The following STARD3NL variants were observed in gnomAD, a reference collection of about 807,000 sequenced individuals.
The protein encoded by STARD3NL is STARD3 N-terminal like.
In STARD3NL, 17 loss-of-function variants were observed where a neutral mutation model predicts 30.9. The ratio of observed to expected loss-of-function variants is 0.55; its 90% CI spans 0.38 to 0.82. The LOEUF is 0.82. STARD3NL is among the 40% of genes least tolerant of loss of function. The pLI, the probability that STARD3NL is intolerant of heterozygous loss-of-function variation, is 0.00. For missense variants in STARD3NL, 234 were observed against 277.6 expected (o/e 0.84, Z 1.12); for synonymous variants, 112 against 100.5 (o/e 1.11, Z -0.69).
intron 1 of STARD3NL, among the ~76,000 whole-genome samples, chr7:38,197,504 C>G (rs985114190): frequency 2.6e-5 from 4 of 152,138 alleles, no homozygotes; most frequent in Non-Finnish European, 4.4e-5. Flanking sequence ...TGCCCAGCCA[C>G]TTGTTTCTTT....
intron 1 of STARD3NL, among the ~76,000 whole-genome samples, chr7:38,205,207 C>T (rs1785393685): frequency 6.6e-6 from 1 of 152,186 alleles, no homozygotes; most frequent in African/African-American, 2.4e-5. Flanking sequence ...AGACCAATAT[C>T]CCTGGTGAAC....
intron 1 of STARD3NL, among the ~76,000 whole-genome samples, chr7:38,183,930 T>G (rs1384509336): frequency 6.6e-6 from 1 of 152,236 alleles, no homozygotes; most frequent in African/African-American, 2.4e-5. Flanking sequence ...TAACTTTAGT[T>G]AGCAAGTACT....
In STARD3NL at chr7:38,230,600, A is replaced by G. The variant is rs1158228657; in HGVS notation, c.*695A>G. The G allele has an allele frequency of 6.6e-6, 1 of 152,242 alleles. No individual in the cohort carries two copies. The highest frequency in any genetic ancestry group is 1.5e-5 in the Non-Finnish European group (1 of 68,040). 9.4% of individuals were successfully genotyped at this position (152,242 alleles called of 1,614,324 possible). ...TAAATACTCTTATTTTGAATGCACA[A>G]AATGACTTAAACCATTCATATCATG... On this transcript the variant is annotated 3_prime_UTR_variant, in exon 9 of 9. Coordinates refer to ENST00000009041, the MANE Select transcript of STARD3NL (RefSeq NM_032016.4).
At chr7:38,212,494 C>G (rs1583814653) in intron 2 of STARD3NL, among the ~76,000 whole-genome samples, 1 of 152,314 alleles carries the variant, frequency 6.6e-6, no homozygotes, top group Non-Finnish European at 1.5e-5. Flanking sequence ...TGCTATCTCT[C>G]TCACCTTGCC....
At chr7:38,221,835 T>A (rs1443900141) in intron 7 of STARD3NL, among the ~76,000 whole-genome samples, 1 of 152,202 alleles carries the variant, frequency 6.6e-6, no homozygotes, top group Non-Finnish European at 1.5e-5. Flanking sequence ...CTTCTGAAAA[T>A]GTTGTGCTCT....
At chr7:38,178,864 C>CA (rs796132304) in intron 1 of STARD3NL, among the ~76,000 whole-genome samples, 101,057 of 142,142 alleles carry the variant, frequency 0.71, 35,591 homozygotes, top group East Asian at 0.81. Flanking sequence ...AAGTCGTGTT[C>CA]AAAAAAAAAA....
At chr7:38,187,291 T>A (rs1199462254) in intron 1 of STARD3NL, among the ~76,000 whole-genome samples, 2 of 152,250 alleles carry the variant, frequency 1.3e-5, no homozygotes, top group African/African-American at 4.8e-5. Flanking sequence ...ACAACTTATA[T>A]ACATTGTCAA....
chr7:38,223,580 G>C (rs556461049), intron 7 of STARD3NL, among the ~76,000 whole-genome samples: 1 of 152,180 alleles, frequency 6.6e-6, no homozygotes, highest in Non-Finnish European at 1.5e-5. Flanking sequence ...CATGCATCCT[G>C]GTTTGCCTGC....
At chr7:38,206,169 C>T (rs890256129) in intron 1 of STARD3NL, among the ~76,000 whole-genome samples, 6 of 152,158 alleles carry the variant, frequency 3.9e-5, no homozygotes, top group African/African-American at 1.4e-4. Flanking sequence ...AGGGAAATCT[C>T]AGCTGTCTGT....
chr7:38,178,354 G>C lies in STARD3NL; in HGVS notation c.-125G>C, dbSNP rs1000966560. On this transcript the variant is annotated 5_prime_UTR_variant, in exon 1 of 9. Transcript: ENST00000009041. Reference sequence around the variant, plus strand: ...CCGCCAAGCCCCGCCCCTCAGGCCGGGGCGCGACCGCGGATCCGCAGTTCC... The same window carrying C: ...CCGCCAAGCCCCGCCCCTCAGGCCGCGGCGCGACCGCGGATCCGCAGTTCC... The C allele has an allele frequency of 2.0e-5, 3 of 152,164 alleles. No individual in the cohort carries two copies. Among genetic ancestry groups the C allele is most frequent in the Non-Finnish European group, 2.9e-5 (2 of 68,028 alleles). The allele number at this position is 152,164 out of a possible 1,614,324, so 9.4% of individuals were successfully genotyped here.
At chr7:38,224,471 A>G (rs570575271) in intron 7 of STARD3NL, among the ~76,000 whole-genome samples, 32 of 152,344 alleles carry the variant, frequency 2.1e-4, no homozygotes, top group Admixed American at 1.5e-3. Flanking sequence ...CCTGAGGTCA[A>G]TTGAGGTCTG....
At chr7:38,209,545 A>G (rs192945334) in intron 2 of STARD3NL, among the ~76,000 whole-genome samples, 1 of 152,190 alleles carries the variant, frequency 6.6e-6, no homozygotes, top group East Asian at 1.9e-4. Context: ...TGCCCTCCCA[A>G]AGTGCTGGGA....
At chr7:38,197,140 C>T (rs1379894762) in intron 1 of STARD3NL, among the ~76,000 whole-genome samples, 1 of 120,708 alleles carries the variant, frequency 8.3e-6, no homozygotes, top group Admixed American at 8.2e-5. Flanking sequence ...TACCTTTTTT[C>T]TTTCTTTCTT....
intron 1 of STARD3NL, among the ~76,000 whole-genome samples, chr7:38,204,610 G>A (rs1400919589): frequency 1.3e-5 from 2 of 152,276 alleles, no homozygotes; most frequent in South Asian, 4.1e-4. Context: ...TCAAAAGCTA[G>A]CAGAAGGCAA....
At chr7:38,216,942 C>G in intron 4 of STARD3NL, 83 bp from the exon 5 acceptor site, 18 of 1,535,340 alleles carry the variant, frequency 1.2e-5, no homozygotes, top group Non-Finnish European at 1.5e-5. Flanking sequence ...GCTCCTGGCT[C>G]AGACGGGTCT....
At chr7:38,216,867 A>C in intron 4 of STARD3NL, 158 bp from the exon 5 acceptor site, 2 of 759,268 alleles carry the variant, frequency 2.6e-6, no homozygotes, top group Non-Finnish European at 4.4e-6. Context: ...GTGTGGGTCT[A>C]GGGGAGAGAG....
rs1296023399 is a variant in STARD3NL at position 38,228,869 on chromosome 7, AAAGT to A, written c.*17+3_*17+6del. The A allele has an allele frequency of 6.2e-7, 1 of 1,607,682 alleles. No individual in the cohort carries two copies. Among genetic ancestry groups the A allele is most frequent in the Admixed American group, 1.7e-5 (1 of 59,792 alleles). ...TAGAACTATGAGTACTACTTTTGTT[AAAGT>A]AAGTGTTTGAAATGAAACCATAACA... is the stretch of plus-strand genomic sequence containing the variant. On this transcript the variant is annotated splice_donor_variant and 3_prime_UTR_variant, in exon 8 of 9. Transcript: ENST00000009041. LOFTEE classifies it low-confidence loss of function (3UTR_SPLICE).
chr7:38,182,792 T>C (rs1784303054), intron 1 of STARD3NL, among the ~76,000 whole-genome samples: 1 of 152,188 alleles, frequency 6.6e-6, no homozygotes, highest in Non-Finnish European at 1.5e-5. Context: ...GTAGGCTCTT[T>C]AGTTTAAAAC....
rs549965856 is a variant in STARD3NL, at chr7:38,193,544, C to T, written c.-58-13903C>T. On this transcript the variant is annotated intron_variant, in intron 1 of 8. Coordinates refer to ENST00000009041, the MANE Select transcript of STARD3NL (RefSeq NM_032016.4). ...TGATCTCCTGACCTCATGATCCACC[C>T]GCCTTGGCCTCCCAGAGTGCTGGGA... Among the ~76,000 whole-genome samples the T allele has an allele frequency of 4.6e-5, 7 of 152,306 alleles. No homozygotes were observed. In the South Asian group the frequency reaches 6.2e-4, roughly 14 times the overall value.
Sources: allele counts gnomAD v4.1 joint callset (sites outside exome capture counted in the v4.1 genomes callset), GRCh38; gene constraint gnomAD v4.1.1; transcripts MANE v1.5; gene names NCBI Gene and HGNC (gene_info 2026-07-23, HGNC 2026-07-21).